Variants in STK32B observed in about 807,000 individuals in gnomAD.
STK32B encodes the protein serine/threonine kinase 32B.
A neutral mutation model predicts 52.6 loss-of-function variants in STK32B; 43 were observed. The observed-to-expected ratio is 0.82, with a 90% CI of 0.64 to 1.05. The LOEUF (loss-of-function observed/expected upper bound fraction) is 1.05. Among genes scored for constraint, STK32B ranks in the 50% least tolerant of loss-of-function variants. The pLI, the probability that STK32B is intolerant of heterozygous loss-of-function variation, is 0.00. For missense variants in STK32B, 621 were observed against 534.6 expected (o/e 1.16, Z -1.59); for synonymous variants, 238 against 204.3 (o/e 1.17, Z -1.41).
rs145425337 is a variant in STK32B at position 5,076,948 on chromosome 4, G to T, written c.52+25033G>T. On this transcript the variant is annotated intron_variant, in intron 1 of 11. Transcript: ENST00000282908. ...TGTTATGGAAAGTTTAGGTCACTGGGGGAAGAAGTTCAAGGAGGAGAGACA... is the reference window on the plus strand; with the variant it reads ...TGTTATGGAAAGTTTAGGTCACTGGTGGAAGAAGTTCAAGGAGGAGAGACA... Among the ~76,000 whole-genome samples the T allele has an allele frequency of 3.3e-5, 5 of 152,200 alleles. No individual in the cohort carries two copies. In the East Asian group the frequency reaches 9.7e-4, roughly 29 times the overall value.
chr4:5,232,307 G>C (rs1045126606), intron 3 of STK32B, among the ~76,000 whole-genome samples: 1 of 152,106 alleles, frequency 6.6e-6, no homozygotes, highest in African/African-American at 2.4e-5. Context: ...TATTAAATAA[G>C]ATCTAAGAGC....
At chr4:5,436,515 T>C (rs988402526) in intron 6 of STK32B, 2 of 862,460 alleles carry the variant, frequency 2.3e-6, no homozygotes, top group African/African-American at 3.7e-5. Context: ...GAAAACTGAC[T>C]CTCTGGTCAG....
chr4:5,483,501 G>T (rs1423819159), intron 11 of STK32B, among the ~76,000 whole-genome samples: 4 of 151,950 alleles, frequency 2.6e-5, no homozygotes, highest in Non-Finnish European at 4.4e-5. Flanking sequence ...AGTCTTGCTA[G>T]CAGTCTATCA....
chr4:5,034,973 C>T, the STK32B span, among the ~76,000 whole-genome samples: 9 of 152,154 alleles, frequency 5.9e-5, no homozygotes, highest in Non-Finnish European at 1.0e-4. Context: ...TGCATTTTCA[C>T]GGTTAGATGT....
intron 4 of STK32B, among the ~76,000 whole-genome samples, chr4:5,352,649 A>C (rs1200909975): frequency 1.3e-5 from 2 of 151,886 alleles, no homozygotes; most frequent in African/African-American, 4.8e-5. Context: ...ACTAAAAAAG[A>C]AGTCATTTGT....
At chr4:5,267,605 CAGTA>C (rs1369462888) in intron 3 of STK32B, among the ~76,000 whole-genome samples, 2 of 152,142 alleles carry the variant, frequency 1.3e-5, no homozygotes, top group Admixed American at 6.5e-5. Flanking sequence ...GTCTGGCACA[CAGTA>C]AGTCAGTCGC....
intron 1 of STK32B, among the ~76,000 whole-genome samples, chr4:5,093,684 C>G (rs1220374404): frequency 6.6e-6 from 1 of 151,666 alleles, no homozygotes; most frequent in Non-Finnish European, 1.5e-5. Flanking sequence ...GCACGTTGTG[C>G]ACATGTACCC....
In STK32B at chr4:5,479,329, G is replaced by A. The variant is rs527765394; in HGVS notation, c.1106+11259G>A. 2.6e-5 allele frequency among the ~76,000 whole-genome samples: 4 copies of A among 152,094 alleles called. No homozygotes were observed. In the East Asian group the frequency reaches 7.8e-4, roughly 29 times the overall value. On this transcript the variant is annotated intron_variant, in intron 11 of 11. Transcript: ENST00000282908. The stretch of plus-strand genomic sequence containing the variant: ...AGGCAGGGTTTCACCATGTTGGTCA[G>A]GCTGGTCTCAAATTCCCGACCTCAG...
chr4:5,029,227 A>G, the STK32B span, among the ~76,000 whole-genome samples: 1 of 152,194 alleles, frequency 6.6e-6, no homozygotes, highest in Non-Finnish European at 1.5e-5. Flanking sequence ...GCCTATGAAT[A>G]GGATGAGATC....
At position 5,123,953 on chromosome 4, in the gene STK32B, G is replaced by A. The variant is rs114138345; in HGVS notation, c.53-15952G>A. 7.7e-3 allele frequency among the ~76,000 whole-genome samples: 1,166 copies of A among 152,198 alleles called. 10 individuals carry two copies. Among genetic ancestry groups the A allele is most frequent in the African/African-American group, 0.018 (763 of 41,510 alleles). The stretch of plus-strand genomic sequence containing the variant: ...GATCACTTAGTATGTGTGGGGCTCT[G>A]ATCAAAGCCTGTTAGCCTTCTCATG... On this transcript the variant is annotated intron_variant, in intron 1 of 11. Transcript: ENST00000282908.
In STK32B at chr4:5,422,295, T is replaced by A. The variant is rs192296503; in HGVS notation, c.562+5361T>A. On this transcript the variant is annotated intron_variant, in intron 6 of 11. Coordinates refer to ENST00000282908, the MANE Select transcript of STK32B (RefSeq NM_018401.3). Reference sequence around the variant, plus strand: ...AGTCAAATCTTGCAGCTCCTGGGGCTGTAAATTCCTAATGCCAAGTGGCAG... The same window carrying A: ...AGTCAAATCTTGCAGCTCCTGGGGCAGTAAATTCCTAATGCCAAGTGGCAG... Among the ~76,000 whole-genome samples, 236 of 152,330 alleles carry A rather than the reference T, an allele frequency of 1.5e-3. 1 individual carries two copies. The highest frequency in any genetic ancestry group is 3.1e-3 in the Non-Finnish European group (208 of 68,022).
At chr4:5,191,950 C>T (rs1463419913) in intron 3 of STK32B, among the ~76,000 whole-genome samples, 1 of 152,210 alleles carries the variant, frequency 6.6e-6, no homozygotes, top group South Asian at 2.1e-4. Flanking sequence ...ATGGCACATG[C>T]TCCCTGCAAC....
At chr4:5,038,917 T>G in the STK32B span, among the ~76,000 whole-genome samples, 12 of 152,088 alleles carry the variant, frequency 7.9e-5, no homozygotes, top group African/African-American at 2.9e-4. Flanking sequence ...ATTTTTAAAC[T>G]TTTTGACTCT....
At chr4:5,266,742 G>A (rs1197734364) in intron 3 of STK32B, among the ~76,000 whole-genome samples, 1 of 152,164 alleles carries the variant, frequency 6.6e-6, no homozygotes, top group Non-Finnish European at 1.5e-5. Flanking sequence ...TCATCCTGGT[G>A]ATCTTTAGCA....
At chr4:5,243,781 A>T (rs1725226418) in intron 3 of STK32B, among the ~76,000 whole-genome samples, 1 of 152,110 alleles carries the variant, frequency 6.6e-6, no homozygotes, top group Admixed American at 6.6e-5. Flanking sequence ...GAGAGTTTTT[A>T]GCATGAAGGG....
chr4:5,218,335 A>G (rs1429248763), intron 3 of STK32B, among the ~76,000 whole-genome samples: 2 of 152,256 alleles, frequency 1.3e-5, no homozygotes, highest in African/African-American at 2.4e-5. Flanking sequence ...TATGAAAGCA[A>G]GTAGCCTATT....
chr4:5,178,553 T>G (rs1194589860), intron 3 of STK32B, among the ~76,000 whole-genome samples: 1 of 152,106 alleles, frequency 6.6e-6, no homozygotes, highest in Admixed American at 6.6e-5. Flanking sequence ...CGAAAATGGG[T>G]TTTTCTTTTC....
chr4:5,021,525 C>T, the STK32B span, among the ~76,000 whole-genome samples: 8 of 152,156 alleles, frequency 5.3e-5, no homozygotes, highest in Admixed American at 5.2e-4. Context: ...TTAAAATGCT[C>T]TAGGGCTTCT....
intron 4 of STK32B, among the ~76,000 whole-genome samples, chr4:5,373,815 C>A (rs922366248): frequency 6.6e-6 from 1 of 152,164 alleles, no homozygotes; most frequent in Non-Finnish European, 1.5e-5. Context: ...GTATGTGGGT[C>A]CCCCATGATC....
Sources: allele counts gnomAD v4.1 joint callset (sites outside exome capture counted in the v4.1 genomes callset), GRCh38; gene constraint gnomAD v4.1.1; transcripts MANE v1.5; gene names NCBI Gene and HGNC (gene_info 2026-07-23, HGNC 2026-07-21).